TRMU: variants seen among roughly 807,000 people sequenced by gnomAD.
TRMU encodes the protein tRNA mitochondrial 2-thiouridylase.
Under a neutral mutation model 46.9 loss-of-function variants are expected in TRMU, and 49 were observed. That is an observed-to-expected ratio of 1.05 (90% CI 0.83 to 1.33). The LOEUF (loss-of-function observed/expected upper bound fraction) is 1.33, where lower values mean the gene tolerates loss of function less well. TRMU is among the 40% of genes most tolerant of loss of function. The pLI is 0.00. For synonymous variants in TRMU, 241 were observed against 200.9 expected (o/e 1.20, Z -1.69); for missense variants, 572 against 532.4 (o/e 1.07, Z -0.73).
chr22:46,349,892 A>G lies in TRMU; in HGVS notation c.479-399A>G, dbSNP rs1301265772. ...GAACACATCCTGTGGTTGTTGGAAG[A>G]AGGCACAGCTGACACTATATCAGTG... On this transcript the variant is annotated intron_variant, in intron 4 of 10. Transcript: ENST00000645190. The surrounding 1 kb of genome is among the most constrained non-coding windows in gnomAD (Gnocchi z 4.6). 2.0e-5 allele frequency among the ~76,000 whole-genome samples: 3 copies of G among 152,240 alleles called. No homozygotes were observed. Among genetic ancestry groups the G allele is most frequent in the Non-Finnish European group, 4.4e-5 (3 of 68,034 alleles).
intron 8 of TRMU, 46 bp from the exon 9 acceptor site, chr22:46,355,398 G>T: frequency 6.2e-7 from 1 of 1,604,684 alleles, no homozygotes. Flanking sequence ...CCGGCCTTGG[G>T]GCCAGGTGCC....
chr22:46,356,144 A>G, intron 10 of TRMU, 72 bp downstream of exon 10: 2 of 1,570,270 alleles, frequency 1.3e-6, no homozygotes, highest in Non-Finnish European at 1.7e-6. Context: ...CCCGGGTTAC[A>G]GAGGAAGGGG....
Position 46,346,476 on chromosome 22 carries a change from A to T in TRMU, c.410A>T (p.Glu137Val), listed in dbSNP as rs150810911. The change falls in exon 4 of 11, where the codon GAA becomes GTA. Residue 137 changes from glutamate to valine, a missense_variant. Transcript: ENST00000645190. ...HYARTSLEDE[E>V]VFEQKHVKKP... ...GCAAGAACTTCCCTGGAAGATGAAG[A>T]AGTCTTTGAGCAGAAGCACGTTAAG... 2.5e-6 allele frequency: 4 copies of T among 1,613,756 alleles called. No homozygotes were observed. The highest frequency in any genetic ancestry group is 3.4e-6 in the Non-Finnish European group (4 of 1,179,712).
intron 6 of TRMU, 28 bp from the exon 7 acceptor site, chr22:46,352,236 C>T (rs183457251): frequency 3.3e-5 from 54 of 1,614,192 alleles, no homozygotes; most frequent in South Asian, 5.5e-5. Context: ...CCTAGATCTC[C>T]GTCGGTAATG....
chr22:46,336,763 C>G lies in TRMU; in HGVS notation c.82+917C>G, dbSNP rs1468216934. On this transcript the variant is annotated intron_variant, in intron 1 of 10. Transcript: ENST00000645190. The surrounding 1 kb of genome is among the most constrained non-coding windows in gnomAD (Gnocchi z 4.1). ...GTGCCAAAGAGAAGGGTAGGCGGAC[C>G]ATAAGCAGAAATAGTTGTGAGGAAG... 1 of 152,212 alleles carries G rather than the reference C, an allele frequency of 6.6e-6. No homozygotes were observed. The highest frequency in any genetic ancestry group is 1.9e-4 in the East Asian group (1 of 5,186). The allele number at this position is 152,212 out of a possible 1,614,324, so 9.4% of individuals were successfully genotyped here. A position where few individuals can be genotyped will look rare whatever the true frequency, so the allele number is the denominator to read the frequency against.
chr22:46,353,469 G>A (rs981769316), intron 7 of TRMU: 10 of 377,902 alleles, frequency 2.6e-5, no homozygotes, highest in South Asian at 4.3e-5. Flanking sequence ...GCACCCAGCC[G>A]CATCCTGGGC....
In TRMU at chr22:46,335,873, CG is replaced by C. The variant is rs200385830; in HGVS notation, c.82+28del. On this transcript the variant is annotated intron_variant, in intron 1 of 10. Transcript: ENST00000645190. ...TGAGGCGTCCGAGGCTCCCGCCCCC[CG>C]CCGAGCGAATGTGTCCCCGGAAACC... 21 of 1,531,832 alleles carry C rather than the reference CG, an allele frequency of 1.4e-5. No homozygotes were observed. In the African/African-American group the frequency reaches 1.5e-4, roughly 11 times the overall value. The allele number at this position is 1,531,832 out of a possible 1,614,324, so 94.9% of individuals were successfully genotyped here.
rs1054930951 is a variant in TRMU, at chr22:46,349,946, C to T, written c.479-345C>T. ...TTTTCTGCCAGCAACTAGCTTACTC[C>T]ATTTTCCAAGATTTGGCTGAATTTA... On this transcript the variant is annotated intron_variant, in intron 4 of 10. Transcript: ENST00000645190. This position sits in a 1 kb window ranked among gnomAD's most constrained non-coding sequence, Gnocchi z 4.6. Among the ~76,000 whole-genome samples the T allele has an allele frequency of 6.6e-6, 1 of 151,578 alleles. No homozygotes were observed. Among genetic ancestry groups the T allele is most frequent in the Non-Finnish European group, 1.5e-5 (1 of 67,960 alleles).
At position 46,346,546 on chromosome 22, in the gene TRMU, T is replaced by C. The variant is rs1292273953; in HGVS notation, c.478+2T>C. 6.2e-7 allele frequency: 1 copy of C among 1,609,582 alleles called. No homozygotes were observed. The highest frequency in any genetic ancestry group is 8.5e-7 in the Non-Finnish European group (1 of 1,177,264). On this transcript the variant is annotated splice_donor_variant, in intron 4 of 10. Transcript: ENST00000645190. LOFTEE classifies it high-confidence loss of function. ...GAAATCGGTTTGAAGTTAGAAATGG[T>C]AAGTTCATGTGCCCAGGTCAGAGCC...
intron 8 of TRMU, 184 bp downstream of exon 8, chr22:46,354,051 G>A (rs531512980): frequency 5.0e-6 from 3 of 604,164 alleles, no homozygotes; most frequent in East Asian, 3.0e-5. Flanking sequence ...GAGTTTTAAG[G>A]TATTCATTAG....
chr22:46,352,165 CCTT>C lies in TRMU; in HGVS notation c.701_703del (p.Leu234del). 1.2e-6 allele frequency: 2 copies of C among 1,614,138 alleles called. No individual in the cohort carries two copies. Among genetic ancestry groups the C allele is most frequent in the Non-Finnish European group, 1.7e-6 (2 of 1,180,030 alleles). ...TCGGGAAGAGGAATTTTGAACATTTCCTTCTTCAGGTGCGTGCTGCTCTTTGAC... is the reference window on the plus strand; with the variant it reads ...TCGGGAAGAGGAATTTTGAACATTTCCTTCAGGTGCGTGCTGCTCTTTGAC... On this transcript the variant is annotated inframe_deletion, in exon 6 of 11. Transcript: ENST00000645190.
chr22:46,353,807 T>G lies in TRMU; in HGVS notation c.813T>G (p.Gly271=). 1 of 1,613,988 alleles carries G rather than the reference T, an allele frequency of 6.2e-7. No homozygotes were observed. ...CCTTGGGCCAGAGAGCAAACATAGGTGGCCTGAGAGAGCCCTGGTACGTGG... is the reference window on the plus strand; with the variant it reads ...CCTTGGGCCAGAGAGCAAACATAGGGGGCCTGAGAGAGCCCTGGTACGTGG... ...LYTLGQRANI[G]GLREPWYVVE... is the part of the protein sequence containing the mutation. Residue 271 remains glycine (G), a synonymous_variant, in exon 8 of 11, where the codon GGT becomes GGG. Coordinates refer to ENST00000645190, the MANE Select transcript of TRMU (RefSeq NM_018006.5).
chr22:46,357,084 G>C lies in TRMU; in HGVS notation c.*78G>C. The C allele has an allele frequency of 6.3e-7, 1 of 1,589,110 alleles. No individual in the cohort carries two copies. The highest frequency in any genetic ancestry group is 8.6e-7 in the Non-Finnish European group (1 of 1,165,992). ...GCTGGTGAGCAGTCCAGGTGCCCAA[G>C]GGCCAGCTTGCTGCTGCCCAAAGCA... On this transcript the variant is annotated 3_prime_UTR_variant, in exon 11 of 11. Coordinates refer to ENST00000645190, the MANE Select transcript of TRMU (RefSeq NM_018006.5).
chr22:46,351,437 G>T lies in TRMU; in HGVS notation c.652-684G>T, dbSNP rs1263697003. ...CCTCACCTCTTCAGGGGCCAGTGCGGTGGGAGCTGTTGCTCCTTCGTGTCT... is the reference window on the plus strand; with the variant it reads ...CCTCACCTCTTCAGGGGCCAGTGCGTTGGGAGCTGTTGCTCCTTCGTGTCT... On this transcript the variant is annotated intron_variant, in intron 5 of 10. Transcript: ENST00000645190. This position sits in a 1 kb window ranked among gnomAD's most constrained non-coding sequence, Gnocchi z 6.4. 6.6e-6 allele frequency among the ~76,000 whole-genome samples: 1 copy of T among 151,992 alleles called. No homozygotes were observed. Among genetic ancestry groups the T allele is most frequent in the Non-Finnish European group, 1.5e-5 (1 of 68,036 alleles).
At chr22:46,346,663 GC>G in intron 4 of TRMU, 119 bp downstream of exon 4, 2 of 1,230,966 alleles carry the variant, frequency 1.6e-6, no homozygotes, top group Non-Finnish European at 2.3e-6. Flanking sequence ...CTCCAGAGTA[GC>G]TTGTATGGGA....
chr22:46,352,458 G>A, intron 7 of TRMU, 128 bp downstream of exon 7: 1 of 1,116,416 alleles, frequency 9.0e-7, no homozygotes, highest in South Asian at 1.2e-5. Flanking sequence ...GGCTCTGTGG[G>A]GCGGCCGGGG....
Position 46,350,874 on chromosome 22 carries a change from G to A in TRMU, c.651+411G>A, listed in dbSNP as rs941800464. ...TCACCCGCTTGCCCGGCACAGACTC[G>A]TTCGGTGCCATCTGTTCGGGCGCTG... On this transcript the variant is annotated intron_variant, in intron 5 of 10. Coordinates refer to ENST00000645190, the MANE Select transcript of TRMU (RefSeq NM_018006.5). This position sits in a 1 kb window ranked among gnomAD's most constrained non-coding sequence, Gnocchi z 4.6. Among the ~76,000 whole-genome samples, 6 of 152,242 alleles carry A rather than the reference G, an allele frequency of 3.9e-5. No individual in the cohort carries two copies. Among genetic ancestry groups the A allele is most frequent in the African/African-American group, 1.4e-4 (6 of 41,464 alleles).
In TRMU at chr22:46,351,721, C is replaced by CT; in HGVS notation, c.652-399dup. ...TGCTTGAGGAAGGCGCCTCTCTCCTCTGACTCCCCTGGAGCCCTCCCCTAA... is the reference window on the plus strand; with the variant it reads ...TGCTTGAGGAAGGCGCCTCTCTCCTCTTGACTCCCCTGGAGCCCTCCCCTAA... On this transcript the variant is annotated intron_variant, in intron 5 of 10. Coordinates refer to ENST00000645190, the MANE Select transcript of TRMU (RefSeq NM_018006.5). The surrounding 1 kb of genome is among the most constrained non-coding windows in gnomAD (Gnocchi z 6.4). The CT allele has an allele frequency of 5.8e-6, 2 of 342,536 alleles. No homozygotes were observed. The highest frequency in any genetic ancestry group is 5.0e-5 in the South Asian group (2 of 39,796). 21.2% of individuals were successfully genotyped at this position (342,536 alleles called of 1,614,324 possible).
Position 46,335,751 on chromosome 22 carries a change from T to C in TRMU, c.-14T>C, listed in dbSNP as rs1398762234. 7 of 1,549,048 alleles carry C rather than the reference T, an allele frequency of 4.5e-6. No individual in the cohort carries two copies. The African/African-American group carries it at 6.8e-5, about 15-fold the overall frequency. ...CGGCGGTAGCTGCAGCTGGCGAAGT[T>C]GGGCGACTGGCGGATGCAGGCCTTG... On this transcript the variant is annotated 5_prime_UTR_variant, in exon 1 of 11. Transcript: ENST00000645190.
Sources: allele counts gnomAD v4.1 joint callset (sites outside exome capture counted in the v4.1 genomes callset), GRCh38; gene constraint gnomAD v4.1.1; non-coding constraint Gnocchi (gnomAD v3.1); transcripts MANE v1.5; gene names NCBI Gene and HGNC (gene_info 2026-07-23, HGNC 2026-07-21).